The following PDS5B variants were observed in gnomAD, a reference collection of about 807,000 sequenced individuals.
PDS5B encodes the protein sister chromatid cohesion protein PDS5 homolog B.
PDS5B carries 51 observed loss-of-function variants against 184.1 expected under a neutral mutation model. The ratio of observed to expected loss-of-function variants is 0.28; its 90% confidence interval spans 0.22 to 0.35. The LOEUF is 0.35. PDS5B is among the 10% of genes least tolerant of loss of function. The pLI is 1.00. For missense variants in PDS5B, 1,180 were observed against 1,723.3 expected (o/e 0.68, Z 5.58); for synonymous variants, 566 against 569.2 (o/e 0.99, Z 0.08).
At position 32,687,198 on chromosome 13, in the gene PDS5B, C is replaced by A; in HGVS notation, c.1268C>A (p.Ser423Ter). 1 of 1,609,434 alleles carries A rather than the reference C, an allele frequency of 6.2e-7. No homozygotes were observed. Among genetic ancestry groups the A allele is most frequent in the South Asian group, 1.1e-5 (1 of 90,258 alleles). The change falls in exon 12 of 35, where the codon TCA (serine) becomes TAA (stop). Residue 423 changes from serine to a stop codon, truncating the protein, a stop_gained. Transcript: ENST00000315596. LOFTEE classifies it high-confidence loss of function. ...AQIYKKYALQ[S>*]AAGKDAAKQI... is the part of the protein sequence containing the mutation. ...ATTTATAAGAAATATGCTTTACAGT[C>A]AGCAGCTGGAAAAGATGCTGCAAAA...
At chr13:32,752,853 G>T (rs1954034608) in intron 24 of PDS5B, among the ~76,000 whole-genome samples, 1 of 152,090 alleles carries the variant, frequency 6.6e-6, no homozygotes, top group African/African-American at 2.4e-5. Flanking sequence ...AAGAGACAGG[G>T]TCTTGCTATG....
At position 32,775,874 on chromosome 13, in the gene PDS5B, T is replaced by C; in HGVS notation, c.*822T>C. On this transcript the variant is annotated 3_prime_UTR_variant, in exon 35 of 35. Transcript: ENST00000315596. ...ATCATCCTTTCAGTTTTTATTAATC[T>C]ACTGTATCAATAAAATTCTGTAATT... 1 of 291,772 alleles carries C rather than the reference T, an allele frequency of 3.4e-6. No homozygotes were observed. The allele number at this position is 291,772 out of a possible 1,614,324, so 18.1% of individuals were successfully genotyped here.
At chr13:32,767,351 AC>A (rs1954616550) in intron 31 of PDS5B, among the ~76,000 whole-genome samples, 1 of 152,202 alleles carries the variant, frequency 6.6e-6, no homozygotes, top group South Asian at 2.1e-4. Flanking sequence ...AAAATCAGGA[AC>A]AAAACAAGCA....
chr13:32,596,480 T>C (rs2057872988), intron 1 of PDS5B, among the ~76,000 whole-genome samples: 1 of 152,256 alleles, frequency 6.6e-6, no homozygotes, highest in African/African-American at 2.4e-5. Flanking sequence ...ACAGATCTTT[T>C]TGCAAGTGTG....
intron 25 of PDS5B, among the ~76,000 whole-genome samples, chr13:32,754,391 A>T (rs577665412): frequency 6.6e-6 from 1 of 152,040 alleles, no homozygotes; most frequent in African/African-American, 2.4e-5. Flanking sequence ...CTATTATGAA[A>T]TCTGTGTTTC....
At chr13:32,768,807 G>GA (rs1215944798) in intron 31 of PDS5B, among the ~76,000 whole-genome samples, 517 of 32,060 alleles carry the variant, frequency 0.016, 5 homozygotes, top group African/African-American at 0.038. Flanking sequence ...AAAAAAAAAA[G>GA]AAAAAAAAAA....
At chr13:32,657,935 G>A (rs974223718) in intron 3 of PDS5B, among the ~76,000 whole-genome samples, 1 of 152,248 alleles carries the variant, frequency 6.6e-6, no homozygotes, top group Admixed American at 6.5e-5. Context: ...TCTAAAAATA[G>A]CATAAATTTT....
intron 1 of PDS5B, among the ~76,000 whole-genome samples, chr13:32,607,654 A>C (rs1593253668): frequency 6.6e-6 from 1 of 151,840 alleles, no homozygotes; most frequent in African/African-American, 2.4e-5. Context: ...CCCTGCCCCC[A>C]GAGTTGGAGT....
In PDS5B at chr13:32,709,951, C is replaced by T. The variant is rs1952153369; in HGVS notation, c.1968C>T (p.Leu656=). ...IRAGLELLKV[L]SFTHPISFHS... ...TTTTATGATTCATTTTATAGGTACT[C>T]TCATTTACACATCCCATCTCATTTC... The change falls in exon 19 of 35, where the codon CTC becomes CTT. Residue 656 remains leucine (L), a synonymous_variant. Transcript: ENST00000315596. 2 of 1,401,568 alleles carry T rather than the reference C, an allele frequency of 1.4e-6. No individual in the cohort carries two copies. Among genetic ancestry groups the T allele is most frequent in the Non-Finnish European group, 1.9e-6 (2 of 1,057,754 alleles). 86.8% of individuals were successfully genotyped at this position (1,401,568 alleles called of 1,614,324 possible). A position where few individuals can be genotyped will look rare whatever the true frequency, so the allele number is the denominator to read the frequency against.
intron 1 of PDS5B, among the ~76,000 whole-genome samples, chr13:32,625,602 T>G (rs1047961798): frequency 6.6e-6 from 1 of 152,166 alleles, no homozygotes; most frequent in Admixed American, 6.5e-5. Context: ...TTATTTTAAT[T>G]AATTTCAGGT....
chr13:32,593,529 C>T (rs763373259), intron 1 of PDS5B, among the ~76,000 whole-genome samples: 1 of 152,080 alleles, frequency 6.6e-6, no homozygotes, highest in Admixed American at 6.6e-5. Flanking sequence ...TTGGTGGAGA[C>T]GGGGTTTCGC....
At position 32,693,453 on chromosome 13, in the gene PDS5B, TAAAAG is replaced by T. The variant is rs1951611058; in HGVS notation, c.1470-765_1470-761del. Among the ~76,000 whole-genome samples the T allele has an allele frequency of 2.0e-5, 3 of 151,896 alleles. No homozygotes were observed. In the South Asian group the frequency reaches 6.2e-4, roughly 31 times the overall value. On this transcript the variant is annotated intron_variant, in intron 13 of 34. Coordinates refer to ENST00000315596, the MANE Select transcript of PDS5B (RefSeq NM_015032.4). ...ATATTAAACGATGTTCTTTGTCTAT[TAAAAG>T]AAAAAGAGTTTCTTATATGCCTCTG...
At chr13:32,711,477 C>T (rs965243839) in intron 19 of PDS5B, among the ~76,000 whole-genome samples, 1 of 152,162 alleles carries the variant, frequency 6.6e-6, no homozygotes, top group African/African-American at 2.4e-5. Flanking sequence ...CCTGCCTCAG[C>T]CTCCTGAGTA....
chr13:32,739,527 CA>C (rs1953466256), intron 21 of PDS5B, among the ~76,000 whole-genome samples: 1 of 152,028 alleles, frequency 6.6e-6, no homozygotes. Context: ...CTAATTTTGT[CA>C]ATTATAAAGA....
chr13:32,713,011 G>GAC (rs1476918547), intron 19 of PDS5B, among the ~76,000 whole-genome samples: 2 of 152,322 alleles, frequency 1.3e-5, no homozygotes, highest in East Asian at 3.9e-4. Context: ...TCAGGAGTCT[G>GAC]ACTCCCCTAA....
At chr13:32,675,061 G>A (rs1320204106) in intron 8 of PDS5B, among the ~76,000 whole-genome samples, 2 of 151,870 alleles carry the variant, frequency 1.3e-5, no homozygotes, top group African/African-American at 4.8e-5. Context: ...CATATTGTCG[G>A]GGCTCTTGGC....
intron 19 of PDS5B, among the ~76,000 whole-genome samples, chr13:32,715,893 G>A (rs565359378): frequency 1.2e-4 from 19 of 152,344 alleles, no homozygotes; most frequent in East Asian, 5.8e-4. Flanking sequence ...GCTCCTAACC[G>A]CGAGTGATCC....
intron 31 of PDS5B, among the ~76,000 whole-genome samples, chr13:32,768,947 C>CAAAAAAAAAAAAAAA (rs770324221): frequency 4.7e-5 from 4 of 84,512 alleles, no homozygotes; most frequent in Non-Finnish European, 7.0e-5. Flanking sequence ...TAAAAAAATA[C>CAAAAAAAAAAAAAAA]AAAAAAAAAA....
chr13:32,593,777 G>A (rs1057221496), intron 1 of PDS5B, among the ~76,000 whole-genome samples: 1 of 152,144 alleles, frequency 6.6e-6, no homozygotes, highest in Non-Finnish European at 1.5e-5. Flanking sequence ...TCTTCCTGTT[G>A]AATAGGTTGA....
Sources: gnomAD v4.1 joint callset for allele counts (sites outside exome capture counted in the v4.1 genomes callset) on GRCh38, gnomAD v4.1.1 for gene constraint, MANE v1.5 for transcripts, NCBI Gene and HGNC (gene_info 2026-07-23, HGNC 2026-07-21) for gene names.